ZC3H12B: variants seen among roughly 807,000 people sequenced by gnomAD.
ZC3H12B encodes zinc finger CCCH-type containing 12B.
A neutral mutation model predicts 43.9 loss-of-function variants in ZC3H12B; 7 were observed. The ratio of observed to expected loss-of-function variants is 0.16; its 90% confidence interval spans 0.09 to 0.30. ZC3H12B has a LOEUF of 0.30. ZC3H12B is among the 10% of genes least tolerant of loss of function. The pLI is 1.00. For missense variants in ZC3H12B, 475 were observed against 670.2 expected (o/e 0.71, Z 3.22); for synonymous variants, 222 against 241.7 (o/e 0.92, Z 0.76).
At chrX:65,307,350 C>T in the ZC3H12B span, among the ~76,000 whole-genome samples, 1 of 111,194 alleles carries the variant, frequency 9.0e-6, no homozygotes, top group East Asian at 2.8e-4. Context: ...CCCTCAAATG[C>T]CTAAGGTTTA....
At chrX:65,424,518 G>A (rs1473254760) in intron 3 of ZC3H12B, among the ~76,000 whole-genome samples, 1 of 112,233 alleles carries the variant, frequency 8.9e-6, no homozygotes, top group African/African-American at 3.2e-5. Flanking sequence ...TGCTTTTGGT[G>A]TCTTTGTCAT....
At chrX:65,358,489 G>A in the ZC3H12B span, among the ~76,000 whole-genome samples, 1 of 111,735 alleles carries the variant, frequency 8.9e-6, no homozygotes, top group Non-Finnish European at 1.9e-5. Context: ...CAGTCTCTCG[G>A]ACCACAGTGC....
chrX:65,120,884 C>A, the ZC3H12B span, among the ~76,000 whole-genome samples: 1 of 111,297 alleles, frequency 9.0e-6, no homozygotes. Context: ...TGTGAAAGGC[C>A]TTTTCTACAT....
chrX:65,280,605 C>A, the ZC3H12B span, among the ~76,000 whole-genome samples: 147 of 111,919 alleles, frequency 1.3e-3, no homozygotes, highest in Non-Finnish European at 1.9e-3. Context: ...TCCCTGTTTG[C>A]AGACAACATG....
the ZC3H12B span, among the ~76,000 whole-genome samples, chrX:65,163,786 A>G: frequency 1.2e-3 from 130 of 110,965 alleles, no homozygotes; most frequent in Non-Finnish European, 1.8e-3. Flanking sequence ...ACTCTCCTGC[A>G]CCCACTGTCT....
At chrX:65,264,324 G>A in the ZC3H12B span, among the ~76,000 whole-genome samples, 1 of 111,774 alleles carries the variant, frequency 8.9e-6, no homozygotes, top group Admixed American at 9.5e-5. Flanking sequence ...AAAAAATTGA[G>A]TGTTTTAAGT....
chrX:65,180,555 C>T, the ZC3H12B span, among the ~76,000 whole-genome samples: 1 of 111,521 alleles, frequency 9.0e-6, no homozygotes, highest in African/African-American at 3.3e-5. Flanking sequence ...TGATAAGAAA[C>T]TTCAGCAAAG....
At chrX:65,134,907 C>A in the ZC3H12B span, among the ~76,000 whole-genome samples, 1 of 110,480 alleles carries the variant, frequency 9.1e-6, no homozygotes, top group Admixed American at 9.6e-5. Context: ...CAGGCAGGGG[C>A]GGGAATCACA....
chrX:65,394,740 A>G (rs1422324774), intron 2 of ZC3H12B, among the ~76,000 whole-genome samples: 2 of 112,014 alleles, frequency 1.8e-5, no homozygotes, highest in Non-Finnish European at 3.8e-5. Context: ...TTCTGTGAGG[A>G]AAGTCAATGG....
chrX:65,206,344 A>C, the ZC3H12B span, among the ~76,000 whole-genome samples: 2 of 111,786 alleles, frequency 1.8e-5, no homozygotes, highest in Non-Finnish European at 3.8e-5. Context: ...AATAGAGAAC[A>C]CAGAAATAAA....
chrX:65,112,923 T>A, the ZC3H12B span, among the ~76,000 whole-genome samples: 1 of 112,237 alleles, frequency 8.9e-6, no homozygotes, highest in Non-Finnish European at 1.9e-5. Flanking sequence ...CTGCCAGAGA[T>A]AATGATTCTT....
chrX:65,090,074 A>G, the ZC3H12B span, among the ~76,000 whole-genome samples: 10 of 112,413 alleles, frequency 8.9e-5, no homozygotes, highest in Admixed American at 7.5e-4. Context: ...TAAACTAGTA[A>G]CAGTCATTTA....
chrX:65,477,771 A>C (rs923156146), intron 3 of ZC3H12B, among the ~76,000 whole-genome samples: 3 of 110,348 alleles, frequency 2.7e-5, no homozygotes, highest in Non-Finnish European at 5.7e-5. Flanking sequence ...TCTCAAAAAA[A>C]AAAATTTCAA....
intron 1 of ZC3H12B, among the ~76,000 whole-genome samples, chrX:65,367,539 A>G (rs1273999162): frequency 1.8e-5 from 2 of 111,665 alleles, no homozygotes; most frequent in African/African-American, 6.5e-5. Flanking sequence ...ATAATTTCAG[A>G]TTAAATAAGA....
At chrX:65,154,125 A>T in the ZC3H12B span, among the ~76,000 whole-genome samples, 1 of 111,623 alleles carries the variant, frequency 9.0e-6, no homozygotes, top group Non-Finnish European at 1.9e-5. Context: ...GATATACCTA[A>T]TGTTAAATGA....
chrX:65,043,963 C>G, the ZC3H12B span, among the ~76,000 whole-genome samples: 1 of 111,798 alleles, frequency 8.9e-6, no homozygotes, highest in Non-Finnish European at 1.9e-5. Flanking sequence ...GCTACATGCA[C>G]AGCCCTGTTT....
intron 3 of ZC3H12B, among the ~76,000 whole-genome samples, chrX:65,411,094 G>A (rs2066898186): frequency 8.9e-6 from 1 of 111,902 alleles, no homozygotes; most frequent in African/African-American, 3.3e-5. Context: ...AAGAAAATGT[G>A]GTGCATACAC....
At chrX:65,093,906 G>A in the ZC3H12B span, among the ~76,000 whole-genome samples, 1 of 110,910 alleles carries the variant, frequency 9.0e-6, no homozygotes, top group Non-Finnish European at 1.9e-5. Flanking sequence ...GGAGGGGCCT[G>A]GGGTGGAATG....
chrX:65,198,051 T>G, the ZC3H12B span, among the ~76,000 whole-genome samples: 1 of 112,037 alleles, frequency 8.9e-6, no homozygotes, highest in East Asian at 2.8e-4. Flanking sequence ...CATTGGCTTA[T>G]GGCAATGATT....
Sources: gnomAD v4.1 joint callset for allele counts (sites outside exome capture counted in the v4.1 genomes callset) on GRCh38, gnomAD v4.1.1 for gene constraint, MANE v1.5 for transcripts, NCBI Gene and HGNC (gene_info 2026-07-23, HGNC 2026-07-21) for gene names.